BCAT1: variants seen among roughly 807,000 people sequenced by gnomAD.
BCAT1 encodes the protein branched-chain-amino-acid aminotransferase, cytosolic.
In BCAT1, 48 loss-of-function variants were observed where a neutral mutation model predicts 52.4. The ratio of observed to expected loss-of-function variants is 0.92; its 90% CI spans 0.73 to 1.16. The LOEUF (loss-of-function observed/expected upper bound fraction) is 1.16, where lower values mean the gene tolerates loss of function less well. Among genes scored for constraint, BCAT1 ranks in the 50% most tolerant of loss-of-function variants. The pLI is 0.00. For missense variants in BCAT1, 451 were observed against 457.1 expected, an observed-to-expected ratio of 0.99 and a Z score of 0.12; for synonymous variants, 167 against 161.3, an observed-to-expected ratio of 1.04 and a Z score of -0.27.
At chr12:24,830,140 C>T (rs1039572099) in intron 9 of BCAT1, 3 of 362,204 alleles carry the variant, frequency 8.3e-6, no homozygotes, top group African/African-American at 6.3e-5. Context: ...TAGGGCATAA[C>T]TGGTTTGTAT....
At position 24,813,706 on chromosome 12, in the gene BCAT1, GTTTTGCACTA is replaced by G. The variant is rs1939772364; in HGVS notation, c.*4292_*4301del. On this transcript the variant is annotated 3_prime_UTR_variant, in exon 11 of 11. Transcript: ENST00000261192. ...ACCTAAACACCAACCTTATTAAGTA[GTTTTGCACTA>G]GAAGAAAGGAAGGAATTAAAGAAGG... 1 of 152,028 alleles carries G rather than the reference GTTTTGCACTA, an allele frequency of 6.6e-6. No homozygotes were observed. Among genetic ancestry groups the G allele is most frequent in the African/African-American group, 2.4e-5 (1 of 41,420 alleles). 9.4% of individuals were successfully genotyped at this position (152,028 alleles called of 1,614,324 possible). A position where few individuals can be genotyped will look rare whatever the true frequency, so the allele number is the denominator to read the frequency against.
chr12:24,943,807 A>T (rs551199717), intron 1 of BCAT1, among the ~76,000 whole-genome samples: 2 of 151,852 alleles, frequency 1.3e-5, no homozygotes, highest in South Asian at 4.2e-4. Context: ...ACATGGTGAA[A>T]CCCCGTCTCT....
At chr12:24,930,896 CTT>C (rs5797108) in intron 1 of BCAT1, among the ~76,000 whole-genome samples, 3,150 of 95,886 alleles carry the variant, frequency 0.033, 28 homozygotes, top group South Asian at 0.056. Flanking sequence ...GAACAGGGCC[CTT>C]TTTTTTTTTT....
At chr12:24,865,824 C>T (rs1941990033) in intron 5 of BCAT1, among the ~76,000 whole-genome samples, 1 of 152,164 alleles carries the variant, frequency 6.6e-6, no homozygotes, top group African/African-American at 2.4e-5. Context: ...TTACTAGTAA[C>T]AGTTCTTATA....
chr12:24,897,466 C>T (rs906516149), intron 2 of BCAT1, among the ~76,000 whole-genome samples: 3 of 152,176 alleles, frequency 2.0e-5, no homozygotes, highest in Admixed American at 6.5e-5. Flanking sequence ...TACATTCTTT[C>T]GTAAGACACA....
rs895655240 is a variant in BCAT1 at position 24,846,664 on chromosome 12, T to A, written c.674+3122A>T. Among the ~76,000 whole-genome samples, 44 of 152,198 alleles carry A rather than the reference T, an allele frequency of 2.9e-4. 1 individual carries two copies. The highest frequency in any genetic ancestry group is 2.8e-3 in the Admixed American group (43 of 15,270). On this transcript the variant is annotated intron_variant, in intron 6 of 10. Coordinates refer to ENST00000261192, the MANE Select transcript of BCAT1 (RefSeq NM_005504.7). ...GTGAGAGTTTACTACAGGTTGAGGA[T>A]CCCTAATTTAAAACTTTGAAATGCT...
rs559630062 is a variant in BCAT1 at position 24,810,429 on chromosome 12, T to C, written c.*7579A>G. 2 of 152,346 alleles carry C rather than the reference T, an allele frequency of 1.3e-5. No homozygotes were observed. The highest frequency in any genetic ancestry group is 4.1e-4 in the South Asian group (2 of 4,828). 9.4% of individuals were successfully genotyped at this position (152,346 alleles called of 1,614,324 possible). On this transcript the variant is annotated 3_prime_UTR_variant, in exon 11 of 11. Transcript: ENST00000261192. ...AAATTTGAAATATCCCCTTTTCTTTTTGTTTTGTACTAAATCAATGTAGAA... is the reference window on the plus strand; with the variant it reads ...AAATTTGAAATATCCCCTTTTCTTTCTGTTTTGTACTAAATCAATGTAGAA...
intron 1 of BCAT1, among the ~76,000 whole-genome samples, chr12:24,944,224 G>A (rs1245543862): frequency 6.6e-6 from 1 of 152,134 alleles, no homozygotes; most frequent in Non-Finnish European, 1.5e-5. Context: ...TATCTTCAAA[G>A]TTCAAGGAAA....
chr12:24,846,776 T>C (rs1015744296), intron 6 of BCAT1, among the ~76,000 whole-genome samples: 8 of 152,156 alleles, frequency 5.3e-5, no homozygotes, highest in Non-Finnish European at 8.8e-5. Flanking sequence ...AGAGAAATAC[T>C]CCAAAATTTG....
intron 1 of BCAT1, among the ~76,000 whole-genome samples, chr12:24,917,319 C>T (rs1943431420): frequency 2.0e-5 from 3 of 151,164 alleles, no homozygotes; most frequent in East Asian, 4.0e-4. Context: ...GCTGGAACTA[C>T]AGGCGCCCGC....
At chr12:24,861,175 C>CTGTT (rs1218106511) in intron 5 of BCAT1, among the ~76,000 whole-genome samples, 2 of 152,316 alleles carry the variant, frequency 1.3e-5, no homozygotes, top group Non-Finnish European at 2.9e-5. Context: ...TAGATTGACC[C>CTGTT]TGTTTGTTCC....
chr12:24,876,077 C>T (rs1942326918), intron 5 of BCAT1, among the ~76,000 whole-genome samples: 1 of 151,834 alleles, frequency 6.6e-6, no homozygotes, highest in Non-Finnish European at 1.5e-5. Context: ...GGTTATCTCA[C>T]ATAATTTATT....
intron 5 of BCAT1, among the ~76,000 whole-genome samples, chr12:24,860,185 G>A (rs1313463853): frequency 6.6e-6 from 1 of 152,048 alleles, no homozygotes; most frequent in Non-Finnish European, 1.5e-5. Flanking sequence ...TTAAATGCAG[G>A]TTTCTGAAAA....
chr12:24,849,672 C>T, intron 6 of BCAT1, 114 bp downstream of exon 6: 1 of 1,166,068 alleles, frequency 8.6e-7, no homozygotes, highest in Non-Finnish European at 1.2e-6. Flanking sequence ...CCATGAAACA[C>T]AATGAGCATT....
chr12:24,859,618 C>CAAAAAAAAA (rs71063366), intron 5 of BCAT1, among the ~76,000 whole-genome samples: 1 of 93,990 alleles, frequency 1.1e-5, no homozygotes, highest in African/African-American at 4.0e-5. Context: ...AGACTCGTCT[C>CAAAAAAAAA]AAAAAAAAAA....
At chr12:24,831,667 A>C (rs1160003534) in intron 9 of BCAT1, among the ~76,000 whole-genome samples, 1 of 152,098 alleles carries the variant, frequency 6.6e-6, no homozygotes, top group Non-Finnish European at 1.5e-5. Context: ...AACAAACAAA[A>C]AAAGTTGTAT....
intron 10 of BCAT1, among the ~76,000 whole-genome samples, chr12:24,821,091 A>T (rs1940105054): frequency 6.6e-6 from 1 of 152,206 alleles, no homozygotes; most frequent in African/African-American, 2.4e-5. Flanking sequence ...CAAAGTTTGT[A>T]TGCACACGGA....
At chr12:24,865,590 G>A (rs1941982742) in intron 5 of BCAT1, among the ~76,000 whole-genome samples, 1 of 141,846 alleles carries the variant, frequency 7.0e-6, no homozygotes. Context: ...AAGAAACTGA[G>A]AGTGAAATTA....
chr12:24,843,087 G>A (rs1157125447), intron 6 of BCAT1, among the ~76,000 whole-genome samples: 2 of 152,104 alleles, frequency 1.3e-5, no homozygotes, highest in African/African-American at 4.8e-5. Context: ...AGACAGTCAG[G>A]GATCGGGAAT....
Sources: gnomAD v4.1 joint callset for allele counts (sites outside exome capture counted in the v4.1 genomes callset) on GRCh38, gnomAD v4.1.1 for gene constraint, MANE v1.5 for transcripts, NCBI Gene and HGNC (gene_info 2026-07-23, HGNC 2026-07-21) for gene names.